The following DMD variants were observed in gnomAD, a reference collection of about 807,000 sequenced individuals.
The protein encoded by DMD is dystrophin.
A neutral mutation model predicts 330.1 loss-of-function variants in DMD; 63 were observed. That is an observed-to-expected ratio of 0.19 (90% CI 0.16 to 0.24). The LOEUF (loss-of-function observed/expected upper bound fraction) is 0.24, where lower values mean the gene tolerates loss of function less well. Among genes scored for constraint, DMD ranks in the 10% least tolerant of loss-of-function variants. The pLI is 1.00. For synonymous variants in DMD, 1,223 were observed against 959.8 expected (o/e 1.27, Z -5.07); for missense variants, 3,344 against 2,684.1 (o/e 1.25, Z -5.43).
chrX:31,790,871 T>C (rs189279906), intron 50 of DMD, among the ~76,000 whole-genome samples: 196 of 111,930 alleles, frequency 1.8e-3, no homozygotes, highest in Non-Finnish European at 2.7e-3. Context: ...CTAGCATGCG[T>C]AGATTGAGAA....
intron 60 of DMD, among the ~76,000 whole-genome samples, chrX:31,366,153 C>T (rs1299106469): frequency 1.8e-5 from 2 of 111,120 alleles, no homozygotes; most frequent in Non-Finnish European, 3.8e-5. Flanking sequence ...ATTTGTATGA[C>T]CAAAAGGCAT....
chrX:31,754,676 G>A (rs1569350763), intron 51 of DMD, among the ~76,000 whole-genome samples: 1 of 111,634 alleles, frequency 9.0e-6, no homozygotes. Context: ...AGCACAAACT[G>A]AGGATTTCAT....
At chrX:32,490,810 C>T (rs7884399) in intron 20 of DMD, among the ~76,000 whole-genome samples, 6,311 of 111,831 alleles carry the variant, frequency 0.056, 235 homozygotes, top group African/African-American at 0.12. Context: ...AAACCTTCCT[C>T]AAATTATCGT....
intron 1 of DMD, among the ~76,000 whole-genome samples, chrX:33,175,654 A>G (rs947238494): frequency 1.8e-5 from 2 of 111,839 alleles, no homozygotes; most frequent in African/African-American, 6.5e-5. Context: ...AGTCAGACAC[A>G]CCTGAGTTTG....
chrX:32,109,682 A>T (rs749832364), intron 44 of DMD, among the ~76,000 whole-genome samples: 1 of 110,382 alleles, frequency 9.1e-6, no homozygotes, highest in African/African-American at 3.3e-5. Context: ...CTTCTATTGA[A>T]TTTTCCTCTC....
At chrX:32,923,596 C>T (rs1358703909) in intron 2 of DMD, among the ~76,000 whole-genome samples, 1 of 110,798 alleles carries the variant, frequency 9.0e-6, no homozygotes, top group Non-Finnish European at 1.9e-5. Flanking sequence ...TCAACTTTAT[C>T]TATGCTTTGC....
chrX:32,401,906 T>C (rs746395229), intron 30 of DMD, among the ~76,000 whole-genome samples: 6 of 112,361 alleles, frequency 5.3e-5, no homozygotes, highest in Admixed American at 9.5e-5. Context: ...CTTTTCAAAA[T>C]AGATAAATGA....
At chrX:32,585,223 G>A (rs2054095161) in intron 13 of DMD, among the ~76,000 whole-genome samples, 1 of 110,680 alleles carries the variant, frequency 9.0e-6, no homozygotes, top group Non-Finnish European at 1.9e-5. Context: ...TTGTTTAATG[G>A]GTACATACGC....
At chrX:32,663,516 T>C (rs769395421) in intron 9 of DMD, among the ~76,000 whole-genome samples, 1 of 112,112 alleles carries the variant, frequency 8.9e-6, no homozygotes, top group African/African-American at 3.2e-5. Flanking sequence ...TAACTTCATT[T>C]ATTTTATAGA....
rs372577854 is a variant in DMD, at chrX:32,717,091, T to A, written c.650-17798A>T. Among the ~76,000 whole-genome samples, 99 of 111,067 alleles carry A rather than the reference T, an allele frequency of 8.9e-4. 2 individuals are homozygous for A. In the South Asian group the frequency reaches 0.037, roughly 42 times the overall value. On this transcript the variant is annotated intron_variant, in intron 7 of 78. Transcript: ENST00000357033. ...CCATGTGGTAGAAAACAAAAGCCTA[T>A]TTTCTCGGGGTGGTGGGGGAAATTC...
intron 1 of DMD, among the ~76,000 whole-genome samples, chrX:33,081,564 CA>C (rs1421486923): frequency 8.9e-6 from 1 of 112,340 alleles, no homozygotes; most frequent in Non-Finnish European, 1.9e-5. Context: ...GCTTGGATTA[CA>C]AGCACGAGCC....
chrX:32,073,850 C>T (rs2096320941), intron 44 of DMD, among the ~76,000 whole-genome samples: 1 of 111,055 alleles, frequency 9.0e-6, no homozygotes, highest in Non-Finnish European at 1.9e-5. Flanking sequence ...GAACCCATTT[C>T]AACCATAGAT....
At chrX:32,592,099 C>G (rs1467069597) in intron 13 of DMD, among the ~76,000 whole-genome samples, 1 of 111,217 alleles carries the variant, frequency 9.0e-6, no homozygotes, top group Non-Finnish European at 1.9e-5. Context: ...TATAAACTGC[C>G]TAGGCTACAT....
At chrX:32,810,058 G>A (rs1198941909) in intron 6 of DMD, among the ~76,000 whole-genome samples, 4 of 110,229 alleles carry the variant, frequency 3.6e-5, no homozygotes, top group African/African-American at 6.6e-5. Context: ...GGGAGGTTGA[G>A]GGTTCAGTGA....
chrX:33,094,545 G>A (rs916635752), intron 1 of DMD, among the ~76,000 whole-genome samples: 9 of 111,735 alleles, frequency 8.1e-5, no homozygotes, highest in Non-Finnish European at 1.7e-4. Flanking sequence ...GGTGGCTCAC[G>A]CCTGTAATCC....
At chrX:32,824,145 C>A (rs1250572107) in intron 4 of DMD, among the ~76,000 whole-genome samples, 2 of 111,914 alleles carry the variant, frequency 1.8e-5, no homozygotes, top group African/African-American at 6.5e-5. Context: ...GATGACTCAA[C>A]CCCTGCTAGT....
At chrX:32,567,013 G>A (rs2051799822) in intron 15 of DMD, among the ~76,000 whole-genome samples, 1 of 111,927 alleles carries the variant, frequency 8.9e-6, no homozygotes, top group Non-Finnish European at 1.9e-5. Flanking sequence ...TGACACAAAT[G>A]CACCAATTGC....
chrX:32,089,886 A>C (rs1300047072), intron 44 of DMD, among the ~76,000 whole-genome samples: 1 of 111,765 alleles, frequency 8.9e-6, no homozygotes, highest in African/African-American at 3.3e-5. Flanking sequence ...CAACGACCGA[A>C]CTAATTTACG....
chrX:31,144,517 AC>A (rs2036463815), intron 76 of DMD, among the ~76,000 whole-genome samples: 1 of 111,754 alleles, frequency 8.9e-6, no homozygotes, highest in Non-Finnish European at 1.9e-5. Flanking sequence ...CATAAAACTC[AC>A]CCACACCCCT....
Sources: gnomAD v4.1 joint callset for allele counts (sites outside exome capture counted in the v4.1 genomes callset) on GRCh38, gnomAD v4.1.1 for gene constraint, MANE v1.5 for transcripts, NCBI Gene and HGNC (gene_info 2026-07-23, HGNC 2026-07-21) for gene names.